The following SAP30BP variants were observed in gnomAD, a reference collection of about 807,000 sequenced individuals.
SAP30BP encodes the protein SAP30-binding protein.
SAP30BP carries 31 observed loss-of-function variants against 46.3 expected under a neutral mutation model. That is an observed-to-expected ratio of 0.67 (90% CI 0.50 to 0.90). The LOEUF (loss-of-function observed/expected upper bound fraction) is 0.90. Ranked by LOEUF, SAP30BP falls within the 40% of genes least tolerant of loss-of-function variation. SAP30BP has a pLI of 0.00. For synonymous variants in SAP30BP, 169 were observed against 144.2 expected (o/e 1.17, Z -1.23); for missense variants, 312 against 391.0 (o/e 0.80, Z 1.70).
intron 9 of SAP30BP, 25 bp from the exon 10 acceptor site, chr17:75,705,983 T>G: frequency 6.2e-7 from 1 of 1,611,062 alleles, no homozygotes; most frequent in Non-Finnish European, 8.5e-7. Context: ...TGCCTGGTCT[T>G]ATTCTCTTCC....
At chr17:75,675,006 A>G (rs1273369794) in intron 3 of SAP30BP, among the ~76,000 whole-genome samples, 2 of 152,152 alleles carry the variant, frequency 1.3e-5, no homozygotes, top group South Asian at 4.1e-4. Context: ...CCCAGTGCAC[A>G]TGAACATAGG....
At chr17:75,677,418 T>C (rs375242608) in intron 3 of SAP30BP, among the ~76,000 whole-genome samples, 13 of 148,966 alleles carry the variant, frequency 8.7e-5, no homozygotes, top group African/African-American at 2.7e-4. Context: ...CTGACCATTC[T>C]TAAGTGAAAC....
intron 3 of SAP30BP, among the ~76,000 whole-genome samples, chr17:75,679,199 T>C (rs917223007): frequency 6.6e-6 from 1 of 152,064 alleles, no homozygotes; most frequent in Non-Finnish European, 1.5e-5. Flanking sequence ...GGTTTCACCA[T>C]GTTAGCCAGG....
At chr17:75,671,276 C>A (rs969517828) in intron 2 of SAP30BP, among the ~76,000 whole-genome samples, 1 of 152,172 alleles carries the variant, frequency 6.6e-6, no homozygotes, top group African/African-American at 2.4e-5. Context: ...TGATGCCTGC[C>A]TTCCTGTGTT....
At position 75,696,766 on chromosome 17, in the gene SAP30BP, C is replaced by CTT. The variant is rs34464076; in HGVS notation, c.308-2999_308-2998dup. Among the ~76,000 whole-genome samples the CTT allele has an allele frequency of 8.3e-3, 830 of 100,606 alleles. 17 individuals carry two copies. The highest frequency in any genetic ancestry group is 0.046 in the Middle Eastern group (8 of 174). 66.0% of individuals were successfully genotyped at this position (100,606 alleles called of 152,430 possible). A position where few individuals can be genotyped will look rare whatever the true frequency, so the allele number is the denominator to read the frequency against. On this transcript the variant is annotated intron_variant, in intron 4 of 10. Coordinates refer to ENST00000584667, the MANE Select transcript of SAP30BP (RefSeq NM_013260.8). Reference sequence around the variant, plus strand: ...TGGACTGAGGAGGGGCTCCCCTCCTCTTTTTTTTTTTTTTTTTTTGGAGAC... The same window carrying CTT: ...TGGACTGAGGAGGGGCTCCCCTCCTCTTTTTTTTTTTTTTTTTTTTTGGAGAC...
intron 4 of SAP30BP, among the ~76,000 whole-genome samples, chr17:75,698,935 A>G (rs947168032): frequency 5.3e-5 from 8 of 152,192 alleles, no homozygotes; most frequent in Non-Finnish European, 1.0e-4. Context: ...GCTCATACCC[A>G]TAATCCCAGC....
At chr17:75,694,233 G>A (rs374795088) in intron 4 of SAP30BP, among the ~76,000 whole-genome samples, 13 of 152,244 alleles carry the variant, frequency 8.5e-5, no homozygotes, top group African/African-American at 2.6e-4. Context: ...CAGCCCTGGG[G>A]GTTCTGAGCC....
chr17:75,694,633 G>T (rs938931345), intron 4 of SAP30BP, among the ~76,000 whole-genome samples: 3 of 152,234 alleles, frequency 2.0e-5, no homozygotes, highest in Admixed American at 6.5e-5. Context: ...CGGCCCAAGG[G>T]GGCGATCCAC....
chr17:75,688,931 C>A (rs947709827), intron 3 of SAP30BP, among the ~76,000 whole-genome samples: 1 of 152,170 alleles, frequency 6.6e-6, no homozygotes, highest in Admixed American at 6.5e-5. Flanking sequence ...GATCACTATT[C>A]TTCTCCAGGG....
Position 75,707,147 on chromosome 17 carries a change from G to A in SAP30BP, c.*626G>A, listed in dbSNP as rs1272485373. 1.3e-5 allele frequency: 2 copies of A among 155,250 alleles called. No homozygotes were observed. The highest frequency in any genetic ancestry group is 2.4e-5 in the African/African-American group (1 of 41,494). 9.6% of individuals were successfully genotyped at this position (155,250 alleles called of 1,614,324 possible). On this transcript the variant is annotated 3_prime_UTR_variant, in exon 11 of 11. Coordinates refer to ENST00000584667, the MANE Select transcript of SAP30BP (RefSeq NM_013260.8). Reference sequence around the variant, plus strand: ...CAAGCCAGTTTCCAGAAGGGCTGGGGTGAGATCCTGACCTGTGCAGAGAGT... The same window carrying A: ...CAAGCCAGTTTCCAGAAGGGCTGGGATGAGATCCTGACCTGTGCAGAGAGT...
At chr17:75,684,429 CT>C (rs2060128091) in intron 3 of SAP30BP, 2 of 152,148 alleles carry the variant, frequency 1.3e-5, no homozygotes, top group Admixed American at 1.3e-4. Flanking sequence ...CTTTTGAGTG[CT>C]GATTAGAAGG....
At chr17:75,692,574 ACTTGTGACGGAG>A (rs2060256390) in intron 3 of SAP30BP, 2 of 933,808 alleles carry the variant, frequency 2.1e-6, no homozygotes, top group African/African-American at 3.6e-5. Context: ...GCAAGGGAAG[ACTTGTGACGGAG>A]GGCTTGGACC....
intron 3 of SAP30BP, 28 bp from the exon 4 acceptor site, chr17:75,693,412 C>T: frequency 5.6e-6 from 9 of 1,607,536 alleles, no homozygotes; most frequent in Non-Finnish European, 6.8e-6. Context: ...CCCAGTCTTA[C>T]CTCCTCGTAT....
At position 75,706,186 on chromosome 17, in the gene SAP30BP, TG is replaced by T; in HGVS notation, c.745+97del. The T allele has an allele frequency of 6.4e-7, 1 of 1,560,600 alleles. No individual in the cohort carries two copies. On this transcript the variant is annotated intron_variant, in intron 10 of 10. Coordinates refer to ENST00000584667, the MANE Select transcript of SAP30BP (RefSeq NM_013260.8). The surrounding 1 kb of genome is among the most constrained non-coding windows in gnomAD (Gnocchi z 4.6). ...GACAGACAGCACGTGGATCTGGGCC[TG>T]GGCTCAGCCTTGCTACTTTGAGAAG...
chr17:75,669,254 A>AT (rs113799354), intron 2 of SAP30BP, among the ~76,000 whole-genome samples: 12,046 of 149,634 alleles, frequency 0.081, 1,535 homozygotes, highest in African/African-American at 0.27. Context: ...ACCTATTATT[A>AT]TTTTTTTTTG....
chr17:75,706,706 C>G lies in SAP30BP; in HGVS notation c.*185C>G, dbSNP rs897598508. 1.6e-5 allele frequency: 10 copies of G among 613,378 alleles called. No homozygotes were observed. Among genetic ancestry groups the G allele is most frequent in the Non-Finnish European group, 2.9e-5 (10 of 348,018 alleles). The allele number at this position is 613,378 out of a possible 1,614,324, so 38.0% of individuals were successfully genotyped here. A position where few individuals can be genotyped will look rare whatever the true frequency, so the allele number is the denominator to read the frequency against. ...GGGAGCCAGGCGCTGTGGACAGGGTCTGTCCACGCACCACCTGGGGTCTGC... is the reference window on the plus strand; with the variant it reads ...GGGAGCCAGGCGCTGTGGACAGGGTGTGTCCACGCACCACCTGGGGTCTGC... On this transcript the variant is annotated 3_prime_UTR_variant, in exon 11 of 11. Transcript: ENST00000584667. This position sits in a 1 kb window ranked among gnomAD's most constrained non-coding sequence, Gnocchi z 4.6.
intron 3 of SAP30BP, chr17:75,683,711 G>C (rs563647778): frequency 1.3e-5 from 2 of 152,328 alleles, no homozygotes; most frequent in African/African-American, 4.8e-5. Flanking sequence ...CCCCAGGAAG[G>C]GAGAAGAGCT....
chr17:75,699,989 G>A (rs1486551473), intron 5 of SAP30BP, 118 bp downstream of exon 5: 4 of 708,570 alleles, frequency 5.6e-6, no homozygotes, highest in African/African-American at 5.3e-5. Flanking sequence ...TTCTATAAAA[G>A]AAACTGACAG....
rs989355506 is a variant in SAP30BP, at chr17:75,699,850, C to A, written c.375C>A (p.Gly125=). The A allele has an allele frequency of 3.7e-6, 6 of 1,612,792 alleles. No homozygotes were observed. Among genetic ancestry groups the A allele is most frequent in the Non-Finnish European group, 5.1e-6 (6 of 1,178,998 alleles). ...TCAAGATCCCGCCAGAACCCCCTGG[C>A]AGATGTTCAAATCACTTGCAAGTAA... ...DEIKIPPEPP[G]RCSNHLQDKI... The change falls in exon 5 of 11, where the codon GGC becomes GGA. Residue 125 remains glycine (G), a synonymous_variant. Coordinates refer to ENST00000584667, the MANE Select transcript of SAP30BP (RefSeq NM_013260.8).
Sources: gnomAD v4.1 joint callset for allele counts (sites outside exome capture counted in the v4.1 genomes callset) on GRCh38, gnomAD v4.1.1 for gene constraint, Gnocchi (gnomAD v3.1) non-coding constraint, MANE v1.5 for transcripts, NCBI Gene and HGNC (gene_info 2026-07-23, HGNC 2026-07-21) for gene names.